The following MCTP1 variants were observed in gnomAD, a reference collection of about 807,000 sequenced individuals.
MCTP1 encodes multiple C2 and transmembrane domain containing 1, also known as multiple C2 and transmembrane domain-containing protein 1.
MCTP1 carries 69 observed loss-of-function variants against 120.6 expected under a neutral mutation model. That is an observed-to-expected ratio of 0.57 (90% confidence interval 0.47 to 0.70). The LOEUF (loss-of-function observed/expected upper bound fraction) is 0.70. MCTP1 is among the 30% of genes least tolerant of loss of function. The pLI, the probability that MCTP1 is intolerant of heterozygous loss-of-function variation, is 0.00. For synonymous variants in MCTP1, 529 were observed against 493.1 expected, an observed-to-expected ratio of 1.07 and a Z score of -0.96; for missense variants, 1,203 against 1,248.8, an observed-to-expected ratio of 0.96 and a Z score of 0.55.
At chr5:95,144,855 G>A (rs891426294) in intron 1 of MCTP1, among the ~76,000 whole-genome samples, 1 of 151,968 alleles carries the variant, frequency 6.6e-6, no homozygotes, top group African/African-American at 2.4e-5. Flanking sequence ...CTTTGACATT[G>A]TTCTTCTTAC....
At chr5:94,875,268 T>A (rs1798591338) in intron 12 of MCTP1, among the ~76,000 whole-genome samples, 1 of 151,356 alleles carries the variant, frequency 6.6e-6, no homozygotes, top group South Asian at 2.1e-4. Flanking sequence ...AGGAGGTGAG[T>A]CTTGGGTGAC....
At chr5:95,279,044 A>G (rs1760100918) in intron 1 of MCTP1, among the ~76,000 whole-genome samples, 1 of 152,186 alleles carries the variant, frequency 6.6e-6, no homozygotes, top group Non-Finnish European at 1.5e-5. Context: ...GACCAAGAAG[A>G]AAAAATATAT....
At chr5:95,079,490 A>C (rs1754394245) in intron 1 of MCTP1, among the ~76,000 whole-genome samples, 1 of 152,198 alleles carries the variant, frequency 6.6e-6, no homozygotes, top group South Asian at 2.1e-4. Flanking sequence ...ATTTATATTT[A>C]GCAAAAATTT....
chr5:95,005,754 C>T (rs144207395), intron 2 of MCTP1, among the ~76,000 whole-genome samples: 1,378 of 107,432 alleles, frequency 0.013, 11 homozygotes, highest in Non-Finnish European at 0.019. Flanking sequence ...GCCAATGGAA[C>T]CTCTTTTCTT....
At chr5:95,182,797 G>A (rs552903340) in intron 1 of MCTP1, among the ~76,000 whole-genome samples, 2 of 152,208 alleles carry the variant, frequency 1.3e-5, no homozygotes, top group Admixed American at 1.3e-4. Context: ...GCCGAGGCGG[G>A]TGGATCACAA....
intron 1 of MCTP1, among the ~76,000 whole-genome samples, chr5:95,126,099 C>T (rs1758610380): frequency 6.6e-6 from 1 of 152,052 alleles, no homozygotes; most frequent in Non-Finnish European, 1.5e-5. Flanking sequence ...ATACTATGTG[C>T]TAGAGCTATG....
chr5:94,833,239 C>T (rs1398420746), intron 17 of MCTP1, among the ~76,000 whole-genome samples: 6 of 151,818 alleles, frequency 4.0e-5, no homozygotes, highest in Non-Finnish European at 8.8e-5. Flanking sequence ...TAATTGTATG[C>T]AGATTTATTC....
At chr5:95,179,602 C>T (rs557941708) in intron 1 of MCTP1, among the ~76,000 whole-genome samples, 2 of 152,252 alleles carry the variant, frequency 1.3e-5, no homozygotes, top group Admixed American at 6.5e-5. Flanking sequence ...AGGAAAGATA[C>T]AGTCTTTTCC....
intron 1 of MCTP1, among the ~76,000 whole-genome samples, chr5:95,261,343 G>A (rs1213409035): frequency 1.3e-5 from 2 of 152,196 alleles, no homozygotes; most frequent in South Asian, 4.1e-4. Flanking sequence ...ATAATTTTCT[G>A]CAGCACTTGA....
chr5:95,278,590 T>C (rs1479725188), intron 1 of MCTP1, among the ~76,000 whole-genome samples: 1 of 152,206 alleles, frequency 6.6e-6, no homozygotes, highest in African/African-American at 2.4e-5. Context: ...CTTGACTTAC[T>C]GAGGCAGGGA....
intron 1 of MCTP1, among the ~76,000 whole-genome samples, chr5:95,034,468 T>TG (rs1475545743): frequency 6.6e-6 from 1 of 151,594 alleles, no homozygotes; most frequent in African/African-American, 2.4e-5. Context: ...AAATAAGCAA[T>TG]GGGGAAAGAA....
At chr5:94,991,854 GAAAC>G (rs1261354106) in intron 2 of MCTP1, among the ~76,000 whole-genome samples, 1 of 148,528 alleles carries the variant, frequency 6.7e-6, no homozygotes, top group African/African-American at 2.5e-5. Context: ...TCCAGCCTGG[GAAAC>G]AAGAGTGAAA....
chr5:94,714,407 G>A (rs1309004528), intron 20 of MCTP1, among the ~76,000 whole-genome samples: 2 of 151,948 alleles, frequency 1.3e-5, no homozygotes, highest in African/African-American at 4.8e-5. Context: ...GTAAAATACA[G>A]GTGTATCTTA....
intron 1 of MCTP1, among the ~76,000 whole-genome samples, chr5:95,044,849 C>T (rs897323558): frequency 5.9e-5 from 9 of 152,044 alleles, no homozygotes; most frequent in Non-Finnish European, 1.0e-4. Context: ...TCATCCCTAA[C>T]GTGAATCAGG....
At position 94,710,831 on chromosome 5, in the gene MCTP1, A is replaced by G. The variant is rs184242818; in HGVS notation, c.2817T>C (p.Ile939=). 3.7e-6 allele frequency: 6 copies of G among 1,611,558 alleles called. No individual in the cohort carries two copies. In the East Asian group the frequency reaches 1.3e-4, roughly 36 times the overall value. ...GGCTTTACTTACCCCAGACAAGGAC[A>G]ATGTATCTCAGCGGAATGCAGTACA... ...AILYCIPLRY[I]VLVWGINKFT... The change falls in exon 21 of 23, where the codon ATT becomes ATC. Residue 939 remains isoleucine, a synonymous_variant. Coordinates refer to ENST00000515393, the MANE Select transcript of MCTP1 (RefSeq NM_024717.7).
At chr5:95,212,779 T>A (rs868182706) in intron 1 of MCTP1, among the ~76,000 whole-genome samples, 1 of 152,080 alleles carries the variant, frequency 6.6e-6, no homozygotes, top group African/African-American at 2.4e-5. Flanking sequence ...ATTATCTCAA[T>A]AGATGCAGAA....
intron 17 of MCTP1, among the ~76,000 whole-genome samples, chr5:94,855,429 C>T (rs1276034161): frequency 6.6e-6 from 1 of 151,686 alleles, no homozygotes; most frequent in Non-Finnish European, 1.5e-5. Flanking sequence ...GCTCAATTTG[C>T]AGGTGTTCAG....
At chr5:94,846,294 A>C (rs191274937) in intron 17 of MCTP1, among the ~76,000 whole-genome samples, 190 of 152,286 alleles carry the variant, frequency 1.2e-3, no homozygotes, top group Non-Finnish European at 2.1e-3. Flanking sequence ...AATATAGTAC[A>C]TACACAGCAT....
intron 2 of MCTP1, among the ~76,000 whole-genome samples, chr5:94,998,473 A>AC (rs2153630937): frequency 1.3e-5 from 2 of 152,280 alleles, no homozygotes; most frequent in Non-Finnish European, 2.9e-5. Context: ...GGAAACACAG[A>AC]CCAACTGATT....
Sources: gnomAD v4.1 joint callset for allele counts (sites outside exome capture counted in the v4.1 genomes callset) on GRCh38, gnomAD v4.1.1 for gene constraint, MANE v1.5 for transcripts, NCBI Gene and HGNC (gene_info 2026-07-23, HGNC 2026-07-21) for gene names.